Variants in WNT7B observed in about 807,000 individuals in gnomAD.
The protein encoded by WNT7B is protein Wnt-7b.
In WNT7B, 19 loss-of-function variants were observed where a neutral mutation model predicts 38.2. The ratio of observed to expected loss-of-function variants is 0.50; its 90% CI spans 0.35 to 0.73. The LOEUF (loss-of-function observed/expected upper bound fraction) is 0.73. WNT7B is among the 30% of genes least tolerant of loss of function. WNT7B has a pLI of 0.01. For synonymous variants in WNT7B, 243 were observed against 209.3 expected, an observed-to-expected ratio of 1.16 and a Z score of -1.39; for missense variants, 423 against 507.9, an observed-to-expected ratio of 0.83 and a Z score of 1.61.
At chr22:45,923,369 T>C (rs753064761) in intron 3 of WNT7B, 34 bp from the exon 4 acceptor site, 1 of 1,563,468 alleles carries the variant, frequency 6.4e-7, no homozygotes, top group South Asian at 1.2e-5. Context: ...CGGCACGGCA[T>C]GGCCCAAGCT....
intron 1 of WNT7B, among the ~76,000 whole-genome samples, chr22:45,970,933 C>G (rs1932421902): frequency 6.6e-6 from 1 of 152,258 alleles, no homozygotes; most frequent in Non-Finnish European, 1.5e-5. Context: ...CTGGAGCGCT[C>G]TCTGTGCCCG....
chr22:45,930,162 C>T (rs117155368), intron 3 of WNT7B, among the ~76,000 whole-genome samples: 3 of 152,254 alleles, frequency 2.0e-5, no homozygotes, highest in Non-Finnish European at 4.4e-5. Flanking sequence ...GGGTGTGACC[C>T]CTGCACCCCT....
rs761111696 is a variant in WNT7B, at chr22:45,923,374, C to T, written c.571-39G>A. The T allele has an allele frequency of 5.8e-6, 9 of 1,560,214 alleles. No individual in the cohort carries two copies. The Admixed American group carries it at 1.1e-4, about 18-fold the overall frequency. ...GGAAGCTGCTCGGCACGGCATGGCC[C>T]AAGCTGGGCCCCTCTAGGTTCCCCT... On this transcript the variant is annotated intron_variant, in intron 3 of 3. Coordinates refer to ENST00000339464, the MANE Select transcript of WNT7B (RefSeq NM_058238.3).
At chr22:45,928,622 T>C (rs540538738) in intron 3 of WNT7B, among the ~76,000 whole-genome samples, 1 of 84,380 alleles carries the variant, frequency 1.2e-5, no homozygotes, top group Admixed American at 1.3e-4. Flanking sequence ...CGCCTTGTTT[T>C]CCCACCTCCT....
intron 1 of WNT7B, among the ~76,000 whole-genome samples, chr22:45,963,220 C>T (rs1365756861): frequency 6.6e-6 from 1 of 152,154 alleles, no homozygotes; most frequent in Non-Finnish European, 1.5e-5. Flanking sequence ...AAGCAGGGGA[C>T]CCATTCTGGG....
intron 1 of WNT7B, chr22:45,972,471 C>G (rs550311934): frequency 4.6e-4 from 90 of 197,502 alleles, no homozygotes; most frequent in African/African-American, 1.9e-3. Context: ...GGCGGGGACC[C>G]GGCCGGGGGC....
intron 3 of WNT7B, 148 bp from the exon 4 acceptor site, chr22:45,923,483 C>T: frequency 2.6e-6 from 3 of 1,170,938 alleles, no homozygotes; most frequent in Non-Finnish European, 2.3e-6. Context: ...CTCTCTGACC[C>T]TCAGCCTCCT....
chr22:45,952,965 C>A (rs1396654154), intron 1 of WNT7B, among the ~76,000 whole-genome samples: 1 of 152,244 alleles, frequency 6.6e-6, no homozygotes, highest in Non-Finnish European at 1.5e-5. Flanking sequence ...CTGGCTGCTG[C>A]CCCTTCTCCG....
intron 1 of WNT7B, among the ~76,000 whole-genome samples, chr22:45,953,242 GTCACCGTGTCCTCGGCTTCCCCTCACA>G (rs1278258768): frequency 9.3e-6 from 1 of 107,604 alleles, no homozygotes; most frequent in African/African-American, 3.7e-5. Flanking sequence ...TCCCCTCACA[GTCACCGTGTCCTCGGCTTCCCCTCACA>G]GTCACCGTGT....
chr22:45,959,652 C>A (rs1038076557), intron 1 of WNT7B, among the ~76,000 whole-genome samples: 4 of 152,090 alleles, frequency 2.6e-5, no homozygotes, highest in Non-Finnish European at 2.9e-5. Context: ...AGTGGGGGTG[C>A]AAATGACCCC....
At chr22:45,941,807 C>T (rs1417182740) in intron 2 of WNT7B, among the ~76,000 whole-genome samples, 2 of 152,260 alleles carry the variant, frequency 1.3e-5, no homozygotes, top group Admixed American at 6.5e-5. Flanking sequence ...CGTCACTCCT[C>T]GAGCCTCAGC....
intron 1 of WNT7B, among the ~76,000 whole-genome samples, chr22:45,956,022 G>A (rs1020823183): frequency 4.6e-5 from 7 of 152,158 alleles, no homozygotes; most frequent in Non-Finnish European, 7.4e-5. Context: ...AGGTGGCTGC[G>A]GTGGGGGTGA....
Position 45,923,465 on chromosome 22 carries a change from GTC to G in WNT7B, c.571-132_571-131del, listed in dbSNP as rs1930991062. The G allele has an allele frequency of 1.1e-5, 15 of 1,343,246 alleles. No individual in the cohort carries two copies. The South Asian group carries it at 2.0e-4, about 17-fold the overall frequency. 83.2% of individuals were successfully genotyped at this position (1,343,246 alleles called of 1,614,324 possible). ...TTGGGCTGTGTGACCACAGGTGAGT[GTC>G]TCTCCCTCTCTGACCCTCAGCCTCC... On this transcript the variant is annotated intron_variant, in intron 3 of 3. Transcript: ENST00000339464.
chr22:45,927,588 G>T (rs1431571736), intron 3 of WNT7B: 1 of 1,030,690 alleles, frequency 9.7e-7, no homozygotes, highest in South Asian at 1.4e-5. Flanking sequence ...AATCCAATGA[G>T]AGTGTCCATA....
intron 1 of WNT7B, chr22:45,954,894 T>A: frequency 2.3e-6 from 1 of 429,308 alleles, no homozygotes; most frequent in Non-Finnish European, 3.1e-6. Context: ...ATTTTGCAGG[T>A]GTGCAGATTA....
chr22:45,939,781 G>A (rs570036076), intron 2 of WNT7B, among the ~76,000 whole-genome samples: 11 of 152,078 alleles, frequency 7.2e-5, no homozygotes, highest in African/African-American at 2.4e-4. Context: ...AGCCATGTTC[G>A]CACCACTGCA....
chr22:45,953,752 A>G (rs902637247), intron 1 of WNT7B, among the ~76,000 whole-genome samples: 2 of 151,860 alleles, frequency 1.3e-5, no homozygotes, highest in African/African-American at 4.8e-5. Context: ...AAGAAGAAGA[A>G]GAAAGAAAAG....
At chr22:45,923,382 G>T (rs764729995) in intron 3 of WNT7B, 47 bp from the exon 4 acceptor site, 4 of 1,553,138 alleles carry the variant, frequency 2.6e-6, no homozygotes, top group Non-Finnish European at 3.5e-6. Context: ...CCCAAGCTGG[G>T]CCCCTCTAGG....
rs1316820866 is a variant in WNT7B at position 45,965,715 on chromosome 22, C to A, written c.71+10969G>T. The stretch of plus-strand genomic sequence containing the variant: ...AGACCCAGAACAGAAGGCCTCTGGG[C>A]TTCCCATACCCGCAGGACAGCTGCA... On this transcript the variant is annotated intron_variant, in intron 1 of 3. Transcript: ENST00000339464. This position sits in a 1 kb window ranked among gnomAD's most constrained non-coding sequence, Gnocchi z 6.5. Among the ~76,000 whole-genome samples the A allele has an allele frequency of 1.3e-5, 2 of 152,218 alleles. No individual in the cohort carries two copies. The highest frequency in any genetic ancestry group is 3.9e-4 in the East Asian group (2 of 5,194).
Sources: gnomAD v4.1 joint callset for allele counts (sites outside exome capture counted in the v4.1 genomes callset) on GRCh38, gnomAD v4.1.1 for gene constraint, Gnocchi (gnomAD v3.1) non-coding constraint, MANE v1.5 for transcripts, NCBI Gene and HGNC (gene_info 2026-07-23, HGNC 2026-07-21) for gene names.